Variants in ZFAND3 observed in about 807,000 individuals in gnomAD.
The protein encoded by ZFAND3 is zinc finger AN1-type containing 3, also known as AN1-type zinc finger protein 3.
A neutral mutation model predicts 29.6 loss-of-function variants in ZFAND3; 10 were observed. The observed-to-expected ratio is 0.34, with a 90% CI of 0.21 to 0.57. ZFAND3 has a LOEUF of 0.57. Among genes scored for constraint, ZFAND3 ranks in the 20% least tolerant of loss-of-function variants. The pLI, the probability that ZFAND3 is intolerant of heterozygous loss-of-function variation, is 0.86. For missense variants in ZFAND3, 230 were observed against 304.5 expected, an observed-to-expected ratio of 0.76 and a Z score of 1.82; for synonymous variants, 128 against 112.6, an observed-to-expected ratio of 1.14 and a Z score of -0.87.
At chr6:38,010,877 A>G (rs1363595401) in intron 2 of ZFAND3, among the ~76,000 whole-genome samples, 1 of 149,090 alleles carries the variant, frequency 6.7e-6, no homozygotes, top group Non-Finnish European at 1.5e-5. Context: ...CTGGGATTAC[A>G]GGTTTGAGCC....
At chr6:38,096,132 A>AT (rs1473825202) in intron 4 of ZFAND3, among the ~76,000 whole-genome samples, 1 of 151,896 alleles carries the variant, frequency 6.6e-6, no homozygotes, top group Admixed American at 6.6e-5. Flanking sequence ...ATATACCTGG[A>AT]TTTTTTTCAC....
rs531470771 is a variant in ZFAND3, at chr6:38,055,618, A to G, written c.113-5975A>G. ...CTACTTCGAATTTGGTTTCCTATAT[A>G]CCCAACTTTAGTGTCTACAATAAAG... is the stretch of plus-strand genomic sequence containing the variant. On this transcript the variant is annotated intron_variant, in intron 2 of 5. Transcript: ENST00000287218. 1.3e-4 allele frequency among the ~76,000 whole-genome samples: 20 copies of G among 152,272 alleles called. 1 individual carries two copies. In the South Asian group the frequency reaches 3.9e-3, roughly 30 times the overall value.
Position 37,905,526 on chromosome 6 carries a change from T to C in ZFAND3, c.72-24433T>C, listed in dbSNP as rs574978859. On this transcript the variant is annotated intron_variant, in intron 1 of 5. Coordinates refer to ENST00000287218, the MANE Select transcript of ZFAND3 (RefSeq NM_021943.3). Reference sequence around the variant, plus strand: ...GTAGAGGGAAAGAAATGCTAACATGTGTCATACTAAAGATCTTTTAGGACT... The same window carrying C: ...GTAGAGGGAAAGAAATGCTAACATGCGTCATACTAAAGATCTTTTAGGACT... 1.3e-3 allele frequency among the ~76,000 whole-genome samples: 202 copies of C among 152,256 alleles called. 1 individual carries two copies. The highest frequency in any genetic ancestry group is 4.7e-3 in the African/African-American group (196 of 41,574).
chr6:37,893,815 A>C (rs148283777), intron 1 of ZFAND3, among the ~76,000 whole-genome samples: 1 of 151,922 alleles, frequency 6.6e-6, no homozygotes, highest in Non-Finnish European at 1.5e-5. Flanking sequence ...TGGCTTCCCA[A>C]AGTGCTGGGA....
At chr6:38,137,302 G>T (rs559827781) in intron 5 of ZFAND3, among the ~76,000 whole-genome samples, 1 of 152,330 alleles carries the variant, frequency 6.6e-6, no homozygotes, top group Non-Finnish European at 1.5e-5. Context: ...TTTCAGTTGT[G>T]CCCAGTGCAC....
intron 2 of ZFAND3, among the ~76,000 whole-genome samples, chr6:37,936,510 A>C (rs552240382): frequency 6.6e-6 from 1 of 152,364 alleles, no homozygotes; most frequent in East Asian, 1.9e-4. Context: ...AAATGTGTGC[A>C]TACTTAATTT....
chr6:38,148,060 A>C (rs1352391587), intron 5 of ZFAND3, among the ~76,000 whole-genome samples: 1 of 152,068 alleles, frequency 6.6e-6, no homozygotes, highest in Non-Finnish European at 1.5e-5. Flanking sequence ...AGTTTTCCCT[A>C]GGTTTTCTTG....
intron 1 of ZFAND3, among the ~76,000 whole-genome samples, chr6:37,881,375 T>C (rs375164749): frequency 3.9e-5 from 6 of 152,204 alleles, no homozygotes; most frequent in African/African-American, 1.4e-4. Context: ...CGTGAGCCAC[T>C]GTGCCCAGCC....
At chr6:37,965,005 A>G (rs1762264903) in intron 2 of ZFAND3, among the ~76,000 whole-genome samples, 1 of 152,206 alleles carries the variant, frequency 6.6e-6, no homozygotes. Flanking sequence ...TAAATGTAGG[A>G]TATGAAAATT....
At chr6:37,937,663 AAAAAAAAAAAG>A (rs1660774391) in intron 2 of ZFAND3, among the ~76,000 whole-genome samples, 1 of 151,336 alleles carries the variant, frequency 6.6e-6, no homozygotes, top group South Asian at 2.1e-4. Context: ...CAAAAAAAAA[AAAAAAAAAAAG>A]GCAAAAAAAG....
At chr6:38,117,834 C>T (rs1477752783) in intron 5 of ZFAND3, among the ~76,000 whole-genome samples, 1 of 152,172 alleles carries the variant, frequency 6.6e-6, no homozygotes, top group South Asian at 2.1e-4. Flanking sequence ...TTTGCTGCTA[C>T]GGTTCCTCAA....
At chr6:37,924,333 T>C (rs1761442385) in intron 1 of ZFAND3, among the ~76,000 whole-genome samples, 1 of 149,922 alleles carries the variant, frequency 6.7e-6, no homozygotes, top group South Asian at 2.1e-4. Context: ...TTTTTTTTAA[T>C]GGTTCAGGCC....
At chr6:37,881,278 G>A (rs1764890529) in intron 1 of ZFAND3, among the ~76,000 whole-genome samples, 1 of 152,108 alleles carries the variant, frequency 6.6e-6, no homozygotes, top group African/African-American at 2.4e-5. Flanking sequence ...TAGAGATGGG[G>A]TTTCCGTATG....
chr6:38,022,181 A>G (rs1197133708), intron 2 of ZFAND3, among the ~76,000 whole-genome samples: 2 of 152,228 alleles, frequency 1.3e-5, no homozygotes, highest in Non-Finnish European at 2.9e-5. Flanking sequence ...TCTGTATTTT[A>G]ACAAGACTAC....
In ZFAND3 at chr6:37,918,034, T is replaced by C. The variant is rs567674074; in HGVS notation, c.72-11925T>C. On this transcript the variant is annotated intron_variant, in intron 1 of 5. Coordinates refer to ENST00000287218, the MANE Select transcript of ZFAND3 (RefSeq NM_021943.3). ...GTATTTTTATCTTACCTGAATGACA[T>C]GAACAGAAATGTTGCATCGTGTAGA... Among the ~76,000 whole-genome samples the C allele has an allele frequency of 1.3e-3, 202 of 152,310 alleles. 1 individual carries two copies. The highest frequency in any genetic ancestry group is 4.7e-3 in the African/African-American group (196 of 41,558).
At chr6:37,828,077 T>C (rs1403278191) in intron 1 of ZFAND3, among the ~76,000 whole-genome samples, 1 of 152,204 alleles carries the variant, frequency 6.6e-6, no homozygotes, top group East Asian at 1.9e-4. Context: ...TGTATCTGCT[T>C]CTTGGACTCT....
intron 5 of ZFAND3, among the ~76,000 whole-genome samples, chr6:38,144,192 T>TATTATATATATATATATA (rs1766031352): frequency 7.4e-5 from 3 of 40,816 alleles, no homozygotes; most frequent in African/African-American, 4.1e-4. Context: ...ATAATATATA[T>TATTATATATATATATATA]ATATATATAT....
At chr6:37,953,439 A>AT (rs1762032954) in intron 2 of ZFAND3, among the ~76,000 whole-genome samples, 2 of 79,600 alleles carry the variant, frequency 2.5e-5, no homozygotes, top group Admixed American at 3.5e-4. Flanking sequence ...TTGCATAATT[A>AT]TCTTTTTTTT....
chr6:38,089,082 C>T (rs528845540), intron 4 of ZFAND3, among the ~76,000 whole-genome samples: 1 of 152,036 alleles, frequency 6.6e-6, no homozygotes, highest in South Asian at 2.1e-4. Flanking sequence ...TTTTTTCCCC[C>T]AAAAAAGAGA....
Sources: allele counts gnomAD v4.1 joint callset (sites outside exome capture counted in the v4.1 genomes callset), GRCh38; gene constraint gnomAD v4.1.1; transcripts MANE v1.5; gene names NCBI Gene and HGNC (gene_info 2026-07-23, HGNC 2026-07-21).